Variants in MEIS2 observed in about 807,000 individuals in gnomAD.
The protein encoded by MEIS2 is homeobox protein Meis2.
A neutral mutation model predicts 58.6 loss-of-function variants in MEIS2; 9 were observed. That is an observed-to-expected ratio of 0.15 (90% confidence interval 0.09 to 0.27). The LOEUF (loss-of-function observed/expected upper bound fraction) is 0.27, where lower values mean the gene tolerates loss of function less well. MEIS2 is among the 10% of genes least tolerant of loss of function. MEIS2 has a pLI of 1.00. For synonymous variants in MEIS2, 221 were observed against 228.4 expected, an observed-to-expected ratio of 0.97 and a Z score of 0.29; for missense variants, 427 against 635.0, an observed-to-expected ratio of 0.67 and a Z score of 3.52.
At chr15:36,893,091 A>T (rs2055968907) in intron 11 of MEIS2, among the ~76,000 whole-genome samples, 1 of 152,174 alleles carries the variant, frequency 6.6e-6, no homozygotes, top group African/African-American at 2.4e-5. Context: ...ATCTCTGAAA[A>T]TCCCCCCAAA....
At chr15:36,996,047 A>ATTTG (rs1567160408) in intron 8 of MEIS2, among the ~76,000 whole-genome samples, 1 of 99,628 alleles carries the variant, frequency 1.0e-5, no homozygotes, top group Non-Finnish European at 2.2e-5. Flanking sequence ...ACACACACAC[A>ATTTG]TATATATATA....
intron 8 of MEIS2, among the ~76,000 whole-genome samples, chr15:36,976,043 G>A (rs1331910403): frequency 1.3e-5 from 2 of 152,098 alleles, no homozygotes; most frequent in African/African-American, 4.8e-5. Flanking sequence ...CACTTTATAA[G>A]TAAGGGAAAT....
Position 36,998,691 on chromosome 15 carries a change from C to T in MEIS2, c.900+38123G>A, listed in dbSNP as rs1028486583. 2.6e-5 allele frequency among the ~76,000 whole-genome samples: 4 copies of T among 152,230 alleles called. No homozygotes were observed. In the East Asian group the frequency reaches 5.8e-4, roughly 22 times the overall value. ...GGTTAGGTTGGCCCATTGTTTCAAC[C>T]CATTCCAAACTATTTTCGGCCATAA... On this transcript the variant is annotated intron_variant, in intron 8 of 11. Coordinates refer to ENST00000561208, the MANE Select transcript of MEIS2 (RefSeq NM_170675.5).
In MEIS2 at chr15:37,061,404, G is replaced by A. The variant is rs112365504; in HGVS notation, c.754+22367C>T. Among the ~76,000 whole-genome samples the A allele has an allele frequency of 1.4e-3, 206 of 152,260 alleles. 2 individuals carry two copies. Among genetic ancestry groups the A allele is most frequent in the Admixed American group, 4.5e-3 (69 of 15,288 alleles). On this transcript the variant is annotated intron_variant, in intron 7 of 11. Coordinates refer to ENST00000561208, the MANE Select transcript of MEIS2 (RefSeq NM_170675.5). ...TAAATTTCACCCAGGAAACAGACTA[G>A]TTTCTATAATCCATAAAATACTATA...
chr15:37,011,900 G>T (rs1471109210), intron 8 of MEIS2, among the ~76,000 whole-genome samples: 1 of 152,082 alleles, frequency 6.6e-6, no homozygotes, highest in Non-Finnish European at 1.5e-5. Context: ...TTACAGGTGT[G>T]AGGCACTGCG....
chr15:37,000,103 C>T (rs375268725), intron 8 of MEIS2, among the ~76,000 whole-genome samples: 11 of 152,240 alleles, frequency 7.2e-5, no homozygotes, highest in Admixed American at 3.9e-4. Context: ...GCAAATCTGG[C>T]GTGATAGCTA....
At chr15:37,060,606 G>GA (rs898547572) in intron 7 of MEIS2, among the ~76,000 whole-genome samples, 26 of 150,624 alleles carry the variant, frequency 1.7e-4, no homozygotes, top group Non-Finnish European at 2.8e-4. Flanking sequence ...GACTCAAAAA[G>GA]AAAAAAAAAC....
chr15:36,972,277 A>C (rs574165647), intron 8 of MEIS2, among the ~76,000 whole-genome samples: 8 of 152,332 alleles, frequency 5.3e-5, no homozygotes, highest in African/African-American at 1.9e-4. Flanking sequence ...AGTTTAAAAA[A>C]ACAAACATCC....
intron 8 of MEIS2, among the ~76,000 whole-genome samples, chr15:36,987,043 C>T (rs1320146877): frequency 2.0e-5 from 3 of 152,102 alleles, no homozygotes; most frequent in Non-Finnish European, 4.4e-5. Flanking sequence ...GAAAATAAAA[C>T]TTTCTGGACT....
chr15:37,075,414 T>C (rs981816281), intron 7 of MEIS2, among the ~76,000 whole-genome samples: 8 of 152,014 alleles, frequency 5.3e-5, no homozygotes. Context: ...CAGTAATGAA[T>C]ACAACATAAG....
chr15:37,092,827 C>T (rs1596123624), intron 6 of MEIS2, among the ~76,000 whole-genome samples: 2 of 142,512 alleles, frequency 1.4e-5, no homozygotes, highest in African/African-American at 5.2e-5. Context: ...CCTGGCCTGA[C>T]ATACACAGTC....
intron 8 of MEIS2, among the ~76,000 whole-genome samples, chr15:37,016,953 G>A (rs540408752): frequency 6.6e-6 from 1 of 152,240 alleles, no homozygotes; most frequent in African/African-American, 2.4e-5. Flanking sequence ...AATTATAACC[G>A]GAAAGTATTC....
At chr15:37,042,691 G>T (rs1473574072) in intron 7 of MEIS2, among the ~76,000 whole-genome samples, 1 of 152,232 alleles carries the variant, frequency 6.6e-6, no homozygotes, top group Non-Finnish European at 1.5e-5. Flanking sequence ...GGACCCTGGG[G>T]TTGGGACTGA....
chr15:36,980,694 T>G (rs1389142455), intron 8 of MEIS2, among the ~76,000 whole-genome samples: 2 of 152,180 alleles, frequency 1.3e-5, no homozygotes, highest in Non-Finnish European at 2.9e-5. Flanking sequence ...ATCCTACTAA[T>G]TTTGTTCTTT....
Position 37,001,029 on chromosome 15 carries a change from C to T in MEIS2, c.900+35785G>A, listed in dbSNP as rs543592512. 1.1e-4 allele frequency among the ~76,000 whole-genome samples: 17 copies of T among 152,230 alleles called. 1 individual carries two copies. The South Asian group carries it at 3.5e-3, about 32-fold the overall frequency. On this transcript the variant is annotated intron_variant, in intron 8 of 11. Coordinates refer to ENST00000561208, the MANE Select transcript of MEIS2 (RefSeq NM_170675.5). ...GACCAAATTCATTGGTATTTTCTCC[C>T]TTTGGTCCCCTCACCCTTCTCTGTC...
chr15:36,952,674 AGAAGGTTTAGATGAAAT>A (rs1256669524), intron 8 of MEIS2, among the ~76,000 whole-genome samples: 1 of 151,018 alleles, frequency 6.6e-6, no homozygotes, highest in Non-Finnish European at 1.5e-5. Context: ...CGAGAGAGAG[AGAAGGTTTAGATGAAAT>A]AAAGGTTTAG....
At chr15:36,976,946 A>G (rs772837292) in intron 8 of MEIS2, among the ~76,000 whole-genome samples, 7 of 152,182 alleles carry the variant, frequency 4.6e-5, no homozygotes, top group Non-Finnish European at 1.0e-4. Flanking sequence ...CAACATGGAG[A>G]AACCCCATCT....
At chr15:36,929,578 T>C (rs746935812) in intron 9 of MEIS2, among the ~76,000 whole-genome samples, 19 of 152,098 alleles carry the variant, frequency 1.2e-4, no homozygotes, top group Non-Finnish European at 2.6e-4. Context: ...GATGTAATAG[T>C]TTTGTACTTG....
chr15:37,062,120 C>T (rs1889298369), intron 7 of MEIS2, among the ~76,000 whole-genome samples: 1 of 152,136 alleles, frequency 6.6e-6, no homozygotes. Flanking sequence ...GAACTTTCCA[C>T]AGATTCAGGT....
Sources: allele counts gnomAD v4.1 joint callset (sites outside exome capture counted in the v4.1 genomes callset), GRCh38; gene constraint gnomAD v4.1.1; transcripts MANE v1.5; gene names NCBI Gene and HGNC (gene_info 2026-07-23, HGNC 2026-07-21).